The following PRMT8 variants were observed in gnomAD, a reference collection of about 807,000 sequenced individuals.
The protein encoded by PRMT8 is protein arginine N-methyltransferase 8.
In PRMT8, 7 loss-of-function variants were observed where a neutral mutation model predicts 47.1. The ratio of observed to expected loss-of-function variants is 0.15; its 90% CI spans 0.08 to 0.28. PRMT8 has a LOEUF of 0.28. Ranked by LOEUF, PRMT8 falls within the 10% of genes least tolerant of loss-of-function variation. The pLI is 1.00. For missense variants in PRMT8, 237 were observed against 505.4 expected, an observed-to-expected ratio of 0.47 and a Z score of 5.09; for synonymous variants, 188 against 186.5, an observed-to-expected ratio of 1.01 and a Z score of -0.07.
rs143352847 is a variant in PRMT8, at chr12:3,452,411, A to G, written c.48+70969A>G. 2.1e-3 allele frequency among the ~76,000 whole-genome samples: 325 copies of G among 152,244 alleles called. 1 individual carries two copies. The highest frequency in any genetic ancestry group is 7.5e-3 in the African/African-American group (313 of 41,508). ...GCACAGGAAACTTTAGAAGTCTTCA[A>G]TGGAACTTGAGAATTATTTCTAGCC... is the stretch of plus-strand genomic sequence containing the variant. On this transcript the variant is annotated intron_variant, in intron 1 of 9. Transcript: ENST00000452611.
At chr12:3,496,744 C>T (rs1402569208) in intron 1 of PRMT8, among the ~76,000 whole-genome samples, 1 of 152,068 alleles carries the variant, frequency 6.6e-6, no homozygotes, top group East Asian at 1.9e-4. Flanking sequence ...TATTATCCTG[C>T]TAGCTTTTAG....
At chr12:3,410,172 G>A (rs1169411218) in intron 1 of PRMT8, among the ~76,000 whole-genome samples, 2 of 152,214 alleles carry the variant, frequency 1.3e-5, no homozygotes, top group Non-Finnish European at 1.5e-5. Flanking sequence ...TCTGCCATGT[G>A]CAGTTACAGA....
intron 1 of PRMT8, among the ~76,000 whole-genome samples, chr12:3,404,131 C>T (rs1396032969): frequency 6.6e-6 from 1 of 152,028 alleles, no homozygotes; most frequent in East Asian, 1.9e-4. Flanking sequence ...GTTGAGGCCT[C>T]TTTTGTACTC....
At chr12:3,553,976 G>T (rs1866477194) in intron 4 of PRMT8, among the ~76,000 whole-genome samples, 3 of 152,144 alleles carry the variant, frequency 2.0e-5, no homozygotes, top group Non-Finnish European at 4.4e-5. Context: ...CAGACCCTTT[G>T]CTTGTCCCCA....
chr12:3,479,024 C>G (rs1865246713), intron 1 of PRMT8, among the ~76,000 whole-genome samples: 1 of 152,246 alleles, frequency 6.6e-6, no homozygotes, highest in Admixed American at 6.5e-5. Context: ...AAGGGGCGGC[C>G]TCACGGGTGA....
At chr12:3,461,021 G>A (rs1381111982) in intron 1 of PRMT8, among the ~76,000 whole-genome samples, 1 of 152,158 alleles carries the variant, frequency 6.6e-6, no homozygotes, top group Non-Finnish European at 1.5e-5. Flanking sequence ...TGTGGCCTGA[G>A]GGTGTCAGGG....
chr12:3,473,386 C>T (rs1865179466), intron 1 of PRMT8, among the ~76,000 whole-genome samples: 1 of 152,180 alleles, frequency 6.6e-6, no homozygotes, highest in Non-Finnish European at 1.5e-5. Context: ...TCGACTTCCC[C>T]AATGGTGCTG....
At chr12:3,381,448 T>G in intron 1 of PRMT8, 1 of 1,536,008 alleles carries the variant, frequency 6.5e-7, no homozygotes, top group Non-Finnish European at 8.7e-7. Context: ...CTTCTGTAAG[T>G]CAGCTTGTAT....
intron 1 of PRMT8, among the ~76,000 whole-genome samples, chr12:3,539,563 G>GGGTCTCCTGCACTCCAGGCAGAGGA (rs1260732446): frequency 6.6e-6 from 1 of 152,014 alleles, no homozygotes; most frequent in African/African-American, 2.4e-5. Flanking sequence ...TTGTACATCT[G>GGGTCTCCTGCACTCCAGGCAGAGGA]GGTCTCCTGC....
At position 3,552,593 on chromosome 12, in the gene PRMT8, C is replaced by T; in HGVS notation, c.418-1058C>T. On this transcript the variant is annotated intron_variant, in intron 3 of 9. Transcript: ENST00000382622. The surrounding 1 kb of genome is among the most constrained non-coding windows in gnomAD (Gnocchi z 4.5). ...CCCACAGACAGTGCAGCCTGAAGGC[C>T]AGGGACCTGGCAGCCCAGGAAAGGG... 2.6e-6 allele frequency: 1 copy of T among 382,494 alleles called. No homozygotes were observed. The highest frequency in any genetic ancestry group is 5.3e-6 in the Non-Finnish European group (1 of 189,186). The allele number at this position is 382,494 out of a possible 1,614,324, so 23.7% of individuals were successfully genotyped here.
At chr12:3,443,599 T>C (rs1469792312) in intron 1 of PRMT8, among the ~76,000 whole-genome samples, 1 of 152,242 alleles carries the variant, frequency 6.6e-6, no homozygotes. Context: ...AACAGCCTCC[T>C]ACTCAGTCTT....
intron 1 of PRMT8, among the ~76,000 whole-genome samples, chr12:3,517,766 G>C (rs913380041): frequency 2.6e-5 from 4 of 152,252 alleles, no homozygotes; most frequent in African/African-American, 7.2e-5. Flanking sequence ...CATTCTCCCA[G>C]ATAGTCCGCT....
At chr12:3,412,079 T>C (rs2137056481) in intron 1 of PRMT8, among the ~76,000 whole-genome samples, 1 of 152,334 alleles carries the variant, frequency 6.6e-6, no homozygotes, top group African/African-American at 2.4e-5. Context: ...ACTAACGTCA[T>C]AGAGTGTACT....
At position 3,508,749 on chromosome 12, in the gene PRMT8, A is replaced by T. The variant is rs1056397290; in HGVS notation, c.75+17049A>T. Among the ~76,000 whole-genome samples the T allele has an allele frequency of 7.2e-5, 11 of 152,218 alleles. No homozygotes were observed. The highest frequency in any genetic ancestry group is 1.5e-4 in the Non-Finnish European group (10 of 68,012). ...CTGCAGCCCACATCTCTCCTCTGAG[A>T]TACGCGAGGCATAGCTGCCTGCCTG... is the stretch of plus-strand genomic sequence containing the variant. On this transcript the variant is annotated intron_variant, in intron 1 of 9. Transcript: ENST00000382622. This position sits in a 1 kb window ranked among gnomAD's most constrained non-coding sequence, Gnocchi z 4.9.
Position 3,569,447 on chromosome 12 carries a change from G to C in PRMT8, c.625-30G>C. On this transcript the variant is annotated intron_variant, in intron 5 of 9. Transcript: ENST00000382622. The surrounding 1 kb of genome is among the most constrained non-coding windows in gnomAD (Gnocchi z 8.2). Reference sequence around the variant, plus strand: ...TGTCTTTGTCAGGTGAATAGATTACGAGACCCATTTCCCCACAATTCATCA... The same window carrying C: ...TGTCTTTGTCAGGTGAATAGATTACCAGACCCATTTCCCCACAATTCATCA... 6.3e-7 allele frequency: 1 copy of C among 1,577,094 alleles called. No homozygotes were observed. The highest frequency in any genetic ancestry group is 8.7e-7 in the Non-Finnish European group (1 of 1,146,240).
chr12:3,521,644 T>G (rs1018686043), intron 1 of PRMT8, among the ~76,000 whole-genome samples: 1 of 152,168 alleles, frequency 6.6e-6, no homozygotes, highest in Non-Finnish European at 1.5e-5. Flanking sequence ...GTGTGAAAAT[T>G]GTGTAACCTG....
chr12:3,490,719 G>GAA (rs1491117642), upstream of PRMT8, among the ~76,000 whole-genome samples: 1 of 143,506 alleles, frequency 7.0e-6, no homozygotes, highest in Non-Finnish European at 1.5e-5. Flanking sequence ...GAGAGAGAGA[G>GAA]AAAAGGATAA....
At chr12:3,528,653 A>T (rs1865980243) in intron 1 of PRMT8, among the ~76,000 whole-genome samples, 1 of 151,454 alleles carries the variant, frequency 6.6e-6, no homozygotes, top group South Asian at 2.1e-4. Context: ...TGTATGATTG[A>T]TTTTTTTTCT....
At chr12:3,451,445 T>C (rs1023914079) in intron 1 of PRMT8, among the ~76,000 whole-genome samples, 4 of 152,206 alleles carry the variant, frequency 2.6e-5, no homozygotes, top group East Asian at 3.9e-4. Context: ...CACACGTTCA[T>C]GTGCAGAAAA....
Sources: allele counts gnomAD v4.1 joint callset (sites outside exome capture counted in the v4.1 genomes callset), GRCh38; gene constraint gnomAD v4.1.1; non-coding constraint Gnocchi (gnomAD v3.1); transcripts MANE v1.5; gene names NCBI Gene and HGNC (gene_info 2026-07-23, HGNC 2026-07-21).